The following AKAP5 variants were observed in gnomAD, a reference collection of about 807,000 sequenced individuals.
AKAP5 encodes A-kinase anchoring protein 5, also known as A-kinase anchor protein 5.
Under a neutral mutation model 13.8 loss-of-function variants are expected in AKAP5, and 5 were observed. That is an observed-to-expected ratio of 0.36 (90% CI 0.19 to 0.76). The LOEUF is 0.76. Among genes scored for constraint, AKAP5 ranks in the 30% least tolerant of loss-of-function variants. The probability of loss-of-function intolerance (pLI) is 0.51; values close to 1 mark genes in which losing one functional copy is unlikely to be tolerated. For synonymous variants in AKAP5, 148 were observed against 167.2 expected (o/e 0.89, Z 0.89); for missense variants, 406 against 484.4 (o/e 0.84, Z 1.52).
rs1420548221 is a variant in AKAP5 at position 64,471,650 on chromosome 14, T to A, written c.*1972T>A. 1.2e-5 allele frequency: 2 copies of A among 167,088 alleles called. No individual in the cohort carries two copies. Among genetic ancestry groups the A allele is most frequent in the Non-Finnish European group, 2.9e-5 (2 of 68,126 alleles). 10.4% of individuals were successfully genotyped at this position (167,088 alleles called of 1,614,324 possible). On this transcript the variant is annotated 3_prime_UTR_variant, in exon 2 of 2. Coordinates refer to ENST00000394718, the MANE Select transcript of AKAP5 (RefSeq NM_004857.3). ...CACTTCCCTACCTCACAGGTTAGGA[T>A]TCAAAGTGTGTATTCCCCCATTGTG...
chr14:64,468,436 T>C lies in AKAP5; in HGVS notation c.42T>C (p.Asp14=). 2 of 1,613,118 alleles carry C rather than the reference T, an allele frequency of 1.2e-6. No homozygotes were observed. Among genetic ancestry groups the C allele is most frequent in the Non-Finnish European group, 1.7e-6 (2 of 1,179,786 alleles). Residue 14 remains aspartate (D), a synonymous_variant, in exon 2 of 2, where the codon GAT becomes GAC. Transcript: ENST00000394718. ...CAGAAATTCATGTAGAAAACAAGGA[T>C]GAGAAGAGATCAGCAGAAGGTAGTC... is the stretch of plus-strand genomic sequence containing the variant. ...TISEIHVENK[D]EKRSAEGSPG...
Position 64,470,965 on chromosome 14 carries a change from A to T in AKAP5, c.*1287A>T, listed in dbSNP as rs1179983068. On this transcript the variant is annotated 3_prime_UTR_variant, in exon 2 of 2. Coordinates refer to ENST00000394718, the MANE Select transcript of AKAP5 (RefSeq NM_004857.3). ...AGTAATGGTCCTGGAAAATCCTAAT[A>T]ATCTAGTGCAAATATTTATTCTCGG... is the stretch of plus-strand genomic sequence containing the variant. 1 of 167,064 alleles carries T rather than the reference A, an allele frequency of 6.0e-6. No homozygotes were observed. Among genetic ancestry groups the T allele is most frequent in the African/African-American group, 2.4e-5 (1 of 41,440 alleles). The allele number at this position is 167,064 out of a possible 1,614,324, so 10.3% of individuals were successfully genotyped here. A position where few individuals can be genotyped will look rare whatever the true frequency, so the allele number is the denominator to read the frequency against.
rs939729372 is a variant in AKAP5 at position 64,472,861 on chromosome 14, G to A, written c.*3183G>A. The A allele has an allele frequency of 6.0e-6, 1 of 166,982 alleles. No homozygotes were observed. Among genetic ancestry groups the A allele is most frequent in the Non-Finnish European group, 1.5e-5 (1 of 68,060 alleles). The allele number at this position is 166,982 out of a possible 1,614,324, so 10.3% of individuals were successfully genotyped here. A position where few individuals can be genotyped will look rare whatever the true frequency, so the allele number is the denominator to read the frequency against. On this transcript the variant is annotated 3_prime_UTR_variant, in exon 2 of 2. Coordinates refer to ENST00000394718, the MANE Select transcript of AKAP5 (RefSeq NM_004857.3). ...ATAAATAAGTTCTGTTTCAATTCAT[G>A]TCCATTTAACAACATTAAAATAATT... is the stretch of plus-strand genomic sequence containing the variant.
chr14:64,468,262 A>T lies in AKAP5; in HGVS notation c.-133A>T. 1 of 767,058 alleles carries T rather than the reference A, an allele frequency of 1.3e-6. No individual in the cohort carries two copies. The highest frequency in any genetic ancestry group is 2.1e-6 in the Non-Finnish European group (1 of 487,728). The allele number at this position is 767,058 out of a possible 1,614,324, so 47.5% of individuals were successfully genotyped here. A position where few individuals can be genotyped will look rare whatever the true frequency, so the allele number is the denominator to read the frequency against. The stretch of plus-strand genomic sequence containing the variant: ...GAAACCACCTAAAACAACTGTATGG[A>T]GTAAGATGAAAGGTATGAATATGCC... On this transcript the variant is annotated 5_prime_UTR_variant, in exon 2 of 2. Transcript: ENST00000394718.
rs1040301427 is a variant in AKAP5 at position 64,470,238 on chromosome 14, G to A, written c.*560G>A. 1.2e-5 allele frequency: 2 copies of A among 167,182 alleles called. No individual in the cohort carries two copies. Among genetic ancestry groups the A allele is most frequent in the African/African-American group, 4.8e-5 (2 of 41,444 alleles). 10.4% of individuals were successfully genotyped at this position (167,182 alleles called of 1,614,324 possible). ...CATTTTCCCAATTTCAGCAGATAGT[G>A]TGCAGAATATGCATATTGATATTAA... On this transcript the variant is annotated 3_prime_UTR_variant, in exon 2 of 2. Transcript: ENST00000394718.
intron 1 of AKAP5, among the ~76,000 whole-genome samples, chr14:64,465,988 T>G (rs573590089): frequency 2.0e-5 from 3 of 152,318 alleles, no homozygotes; most frequent in Non-Finnish European, 2.9e-5. Flanking sequence ...TTTTGAGTAC[T>G]TTATCCTGCG....
Position 64,469,374 on chromosome 14 carries a change from C to G in AKAP5, c.980C>G (p.Ser327Cys). The G allele has an allele frequency of 6.2e-7, 1 of 1,613,914 alleles. No homozygotes were observed. ...FKENGITEEK[S>C]KSEESKRMEP... is the part of the protein sequence containing the mutation. Reference sequence around the variant, plus strand: ...GAAAATGGGATCACTGAAGAGAAATCCAAATCAGAAGAAAGCAAAAGAATG... The same window carrying G: ...GAAAATGGGATCACTGAAGAGAAATGCAAATCAGAAGAAAGCAAAAGAATG... Residue 327 changes from serine (S) to cysteine (C), a missense_variant, in exon 2 of 2, where the codon TCC (serine) becomes TGC (cysteine). By Grantham distance (112) the Ser-to-Cys change is moderately radical. Coordinates refer to ENST00000394718, the MANE Select transcript of AKAP5 (RefSeq NM_004857.3).
Position 64,468,973 on chromosome 14 carries a change from G to C in AKAP5, c.579G>C (p.Glu193Asp), listed in dbSNP as rs1041312665. ...GCATCTCACGGAAAGATGGTGATGA[G>C]GTCTGTGAATCAAATGTGAGCAATA... ...SEGISRKDGDEVCESNVSNST... is the reference protein window; with the variant it reads ...SEGISRKDGDDVCESNVSNST... The change falls in exon 2 of 2, where the codon GAG becomes GAC. Residue 193 changes from glutamate to aspartate, a missense_variant. Coordinates refer to ENST00000394718, the MANE Select transcript of AKAP5 (RefSeq NM_004857.3). 9.9e-6 allele frequency: 16 copies of C among 1,614,052 alleles called. No individual in the cohort carries two copies. In the East Asian group the frequency reaches 3.6e-4, roughly 36 times the overall value.
At position 64,472,287 on chromosome 14, in the gene AKAP5, T is replaced by G. The variant is rs2078681195; in HGVS notation, c.*2609T>G. 1 of 167,060 alleles carries G rather than the reference T, an allele frequency of 6.0e-6. No individual in the cohort carries two copies. The highest frequency in any genetic ancestry group is 6.5e-5 in the Admixed American group (1 of 15,280). 10.3% of individuals were successfully genotyped at this position (167,060 alleles called of 1,614,324 possible). On this transcript the variant is annotated 3_prime_UTR_variant, in exon 2 of 2. Coordinates refer to ENST00000394718, the MANE Select transcript of AKAP5 (RefSeq NM_004857.3). ...TACAGTGTATTGAAGAATCCTGCCC[T>G]CATTTACTGCAAGGATGCCTCCAAG...
At position 64,469,294 on chromosome 14, in the gene AKAP5, A is replaced by G. The variant is rs1265729255; in HGVS notation, c.900A>G (p.Val300=). 6.2e-7 allele frequency: 1 copy of G among 1,613,270 alleles called. No homozygotes were observed. Among genetic ancestry groups the G allele is most frequent in the African/African-American group, 1.3e-5 (1 of 74,836 alleles). Residue 300 remains valine (V), a synonymous_variant, in exon 2 of 2, where the codon GTA becomes GTG. Coordinates refer to ENST00000394718, the MANE Select transcript of AKAP5 (RefSeq NM_004857.3). ...NGKDYESTEI[V]AEETKPKDTE... is the part of the protein sequence containing the mutation. ...AAGACTATGAAAGTACAGAGATTGTAGCTGAAGAAACTAAGCCAAAAGATA... is the reference window on the plus strand; with the variant it reads ...AAGACTATGAAAGTACAGAGATTGTGGCTGAAGAAACTAAGCCAAAAGATA...
rs549346111 is a variant in AKAP5 at position 64,470,025 on chromosome 14, A to C, written c.*347A>C. On this transcript the variant is annotated 3_prime_UTR_variant, in exon 2 of 2. Coordinates refer to ENST00000394718, the MANE Select transcript of AKAP5 (RefSeq NM_004857.3). ...TAAGCTTTTTAATGACCTCTGATAT[A>C]ACAAAGTCTGGTTTCCTTTTGATAA... is the stretch of plus-strand genomic sequence containing the variant. 5.3e-6 allele frequency: 1 copy of C among 188,490 alleles called. No individual in the cohort carries two copies. The highest frequency in any genetic ancestry group is 1.9e-4 in the South Asian group (1 of 5,324). 11.7% of individuals were successfully genotyped at this position (188,490 alleles called of 1,614,324 possible).
Position 64,468,568 on chromosome 14 carries a change from G to A in AKAP5, c.174G>A (p.Val58=), listed in dbSNP as rs1340153214. ...AAGCTGGCTCTGAAGCTGCTGATGT[G>A]GCAAGGAAGTGTCCACAAGAAGCAG... The part of the protein sequence containing the change: ...KPKAGSEAAD[V]ARKCPQEAGA... Residue 58 remains valine, a synonymous_variant, in exon 2 of 2, where the codon GTG becomes GTA. Coordinates refer to ENST00000394718, the MANE Select transcript of AKAP5 (RefSeq NM_004857.3). The A allele has an allele frequency of 2.5e-6, 4 of 1,614,024 alleles. No individual in the cohort carries two copies. The highest frequency in any genetic ancestry group is 3.4e-6 in the Non-Finnish European group (4 of 1,180,034).
Position 64,472,622 on chromosome 14 carries a change from G to A in AKAP5, c.*2944G>A, listed in dbSNP as rs1358702095. ...TGAGAATATCTGTTGAATTAAGTAG[G>A]ATTTCAGTTAGAAAAAGGAATTCCG... On this transcript the variant is annotated 3_prime_UTR_variant, in exon 2 of 2. Coordinates refer to ENST00000394718, the MANE Select transcript of AKAP5 (RefSeq NM_004857.3). 4.2e-5 allele frequency: 7 copies of A among 166,958 alleles called. No homozygotes were observed. The highest frequency in any genetic ancestry group is 8.8e-5 in the Non-Finnish European group (6 of 68,082). The allele number at this position is 166,958 out of a possible 1,614,324, so 10.3% of individuals were successfully genotyped here. A position where few individuals can be genotyped will look rare whatever the true frequency, so the allele number is the denominator to read the frequency against.
At position 64,469,685 on chromosome 14, in the gene AKAP5, C is replaced by A; in HGVS notation, c.*7C>A. 2 of 1,536,088 alleles carry A rather than the reference C, an allele frequency of 1.3e-6. No individual in the cohort carries two copies. The highest frequency in any genetic ancestry group is 1.7e-6 in the Non-Finnish European group (2 of 1,143,418). The stretch of plus-strand genomic sequence containing the variant: ...AAACAATCTTCTACAGTGACTTACT[C>A]TCCAGAGTCACGGCAGAAAAAACAA... On this transcript the variant is annotated 3_prime_UTR_variant, in exon 2 of 2. Transcript: ENST00000394718.
At chr14:64,466,981 C>CAA (rs544249228) in intron 1 of AKAP5, 1 of 151,796 alleles carries the variant, frequency 6.6e-6, no homozygotes, top group Non-Finnish European at 1.5e-5. Flanking sequence ...GTTCCTGAAC[C>CAA]AAAAAAATAA....
At position 64,472,647 on chromosome 14, in the gene AKAP5, G is replaced by A. The variant is rs779703546; in HGVS notation, c.*2969G>A. 6.0e-6 allele frequency: 1 copy of A among 166,930 alleles called. No homozygotes were observed. The allele number at this position is 166,930 out of a possible 1,614,324, so 10.3% of individuals were successfully genotyped here. A position where few individuals can be genotyped will look rare whatever the true frequency, so the allele number is the denominator to read the frequency against. On this transcript the variant is annotated 3_prime_UTR_variant, in exon 2 of 2. Coordinates refer to ENST00000394718, the MANE Select transcript of AKAP5 (RefSeq NM_004857.3). ...GATTTCAGTTAGAAAAAGGAATTCC[G>A]AAATTAACTGGTCTCAATCTGATTA... is the stretch of plus-strand genomic sequence containing the variant.
At chr14:64,466,288 G>T (rs1224159033) in intron 1 of AKAP5, among the ~76,000 whole-genome samples, 2 of 152,222 alleles carry the variant, frequency 1.3e-5, no homozygotes, top group African/African-American at 4.8e-5. Context: ...TCTACAGACT[G>T]CATTATTTTC....
chr14:64,472,788 G>A lies in AKAP5; in HGVS notation c.*3110G>A, dbSNP rs2078687919. ...TTCAGAGTCATAAAATATTTTTCTT[G>A]TAATAGTATTTAAGCAATTTGACCT... On this transcript the variant is annotated 3_prime_UTR_variant, in exon 2 of 2. Coordinates refer to ENST00000394718, the MANE Select transcript of AKAP5 (RefSeq NM_004857.3). The A allele has an allele frequency of 6.0e-6, 1 of 166,752 alleles. No homozygotes were observed. Among genetic ancestry groups the A allele is most frequent in the Non-Finnish European group, 1.5e-5 (1 of 68,076 alleles). 10.3% of individuals were successfully genotyped at this position (166,752 alleles called of 1,614,324 possible).
In AKAP5 at chr14:64,469,691, A is replaced by T. The variant is rs1195415927; in HGVS notation, c.*13A>T. On this transcript the variant is annotated 3_prime_UTR_variant, in exon 2 of 2. Transcript: ENST00000394718. ...TCTTCTACAGTGACTTACTCTCCAG[A>T]GTCACGGCAGAAAAAACAAGCTTAA... 3.9e-6 allele frequency: 6 copies of T among 1,521,038 alleles called. No homozygotes were observed. The highest frequency in any genetic ancestry group is 3.5e-6 in the Non-Finnish European group (4 of 1,135,634). The allele number at this position is 1,521,038 out of a possible 1,614,324, so 94.2% of individuals were successfully genotyped here.
Sources: allele counts gnomAD v4.1 joint callset (sites outside exome capture counted in the v4.1 genomes callset), GRCh38; gene constraint gnomAD v4.1.1; transcripts MANE v1.5; gene names NCBI Gene and HGNC (gene_info 2026-07-23, HGNC 2026-07-21).